Variants in GABRA3 observed in about 807,000 individuals in gnomAD.
The protein encoded by GABRA3 is gamma-aminobutyric acid receptor subunit alpha-3.
GABRA3 carries 10 observed loss-of-function variants against 30.1 expected under a neutral mutation model. That is an observed-to-expected ratio of 0.33 (90% confidence interval 0.20 to 0.56). The LOEUF is 0.56. Ranked by LOEUF, GABRA3 falls within the 20% of genes least tolerant of loss-of-function variation. The probability of loss-of-function intolerance (pLI) is 0.89; values close to 1 mark genes in which losing one functional copy is unlikely to be tolerated. For missense variants in GABRA3, 233 were observed against 392.0 expected (o/e 0.59, Z 3.42); for synonymous variants, 151 against 146.8 (o/e 1.03, Z -0.21).
chrX:152,245,165 C>T (rs746941715), intron 5 of GABRA3, among the ~76,000 whole-genome samples: 63 of 110,049 alleles, frequency 5.7e-4, no homozygotes, highest in South Asian at 1.2e-3. Context: ...TGAGCCATAC[C>T]GAAAGCAATC....
chrX:152,266,878 G>T (rs1457301125), intron 4 of GABRA3, among the ~76,000 whole-genome samples: 1 of 111,770 alleles, frequency 8.9e-6, no homozygotes, highest in Non-Finnish European at 1.9e-5. Flanking sequence ...ACTCTGCATA[G>T]CGTATAGCAG....
intron 9 of GABRA3, chrX:152,187,465 C>T (rs1204001298): frequency 1.8e-5 from 2 of 111,855 alleles, no homozygotes; most frequent in African/African-American, 6.5e-5. Flanking sequence ...CTGACTACCA[C>T]ATAGTGGCAG....
chrX:152,297,777 G>C (rs1939556646), intron 3 of GABRA3, among the ~76,000 whole-genome samples: 1 of 112,460 alleles, frequency 8.9e-6, no homozygotes, highest in Non-Finnish European at 1.9e-5. Flanking sequence ...CAGCCTCATA[G>C]AAAGAAATGT....
intron 3 of GABRA3, among the ~76,000 whole-genome samples, chrX:152,307,348 C>T (rs1366950979): frequency 8.9e-6 from 1 of 111,963 alleles, no homozygotes; most frequent in Admixed American, 9.5e-5. Context: ...GTAGAATTTT[C>T]CTGTACCTAA....
chrX:152,240,192 G>C (rs1938329703), intron 5 of GABRA3, among the ~76,000 whole-genome samples: 1 of 104,531 alleles, frequency 9.6e-6, no homozygotes, highest in Non-Finnish European at 1.9e-5. Flanking sequence ...CAGGCCTGGT[G>C]GTGACAAAAT....
At chrX:152,202,122 A>G (rs769699269) in intron 7 of GABRA3, among the ~76,000 whole-genome samples, 1 of 111,894 alleles carries the variant, frequency 8.9e-6, no homozygotes, top group Non-Finnish European at 1.9e-5. Context: ...AATCTGGAGC[A>G]AAGAGCAGAC....
chrX:152,413,804 A>G (rs1930135664), intron 1 of GABRA3, among the ~76,000 whole-genome samples: 1 of 110,814 alleles, frequency 9.0e-6, no homozygotes, highest in Non-Finnish European at 1.9e-5. Context: ...TAAAGAAAAA[A>G]AAGGAAACAA....
chrX:152,388,585 A>G (rs1287383626), intron 1 of GABRA3, among the ~76,000 whole-genome samples: 1 of 112,317 alleles, frequency 8.9e-6, no homozygotes, highest in Admixed American at 9.5e-5. Context: ...TAAATTTGCA[A>G]TGGTAAATAA....
At chrX:152,366,934 A>G (rs1285479825) in intron 1 of GABRA3, among the ~76,000 whole-genome samples, 1 of 111,478 alleles carries the variant, frequency 9.0e-6, no homozygotes, top group African/African-American at 3.3e-5. Context: ...AAAATTTTTC[A>G]CTGTAGCAGA....
chrX:152,329,354 T>C (rs971817240), intron 3 of GABRA3, among the ~76,000 whole-genome samples: 1 of 111,578 alleles, frequency 9.0e-6, no homozygotes, highest in Non-Finnish European at 1.9e-5. Flanking sequence ...TACTTTAAAG[T>C]TCATATGGAA....
rs767628240 is a variant in GABRA3, at chrX:152,286,119, AAGTAT to A, written c.263-1389_263-1385del. Among the ~76,000 whole-genome samples, 517 of 86,398 alleles carry A rather than the reference AAGTAT, an allele frequency of 6.0e-3. 4 individuals carry two copies. Among genetic ancestry groups the A allele is most frequent in the Non-Finnish European group, 9.1e-3 (396 of 43,303 alleles). The allele number at this position is 86,398 out of a possible 115,157, so 75.0% of individuals were successfully genotyped here. On this transcript the variant is annotated intron_variant, in intron 3 of 9. Coordinates refer to ENST00000370314, the MANE Select transcript of GABRA3 (RefSeq NM_000808.4). ...AATAAGTTATATACTTATATACTATAAGTATAGTATAGTATATAAGTTATATACTT... is the reference window on the plus strand; with the variant it reads ...AATAAGTTATATACTTATATACTATAAGTATAGTATATAAGTTATATACTT...
rs372167246 is a variant in GABRA3 at position 152,345,761 on chromosome X, T to G, written c.141-59A>C. 3.9e-6 allele frequency: 4 copies of G among 1,031,641 alleles called. No individual in the cohort carries two copies. In the East Asian group the frequency reaches 9.4e-5, roughly 24 times the overall value. 85.0% of individuals were successfully genotyped at this position (1,031,641 alleles called of 1,213,427 possible). ...AGTTCTTAATAGGAAAAAAAATACA[T>G]GACTAGATATCGTAATTCAAGATTT... On this transcript the variant is annotated intron_variant, in intron 2 of 9. Transcript: ENST00000370314.
At chrX:152,417,059 A>T (rs1262304718) in intron 1 of GABRA3, among the ~76,000 whole-genome samples, 6 of 103,194 alleles carry the variant, frequency 5.8e-5, no homozygotes, top group East Asian at 6.3e-4. Context: ...TCTGCACAGC[A>T]AAAGAAACTA....
At chrX:152,171,123 T>C (rs769986168) in intron 9 of GABRA3, among the ~76,000 whole-genome samples, 1 of 111,443 alleles carries the variant, frequency 9.0e-6, no homozygotes, top group African/African-American at 3.3e-5. Flanking sequence ...CCAAAAATTA[T>C]AGGAAAGAAA....
intron 3 of GABRA3, among the ~76,000 whole-genome samples, chrX:152,325,129 A>C (rs1193984413): frequency 9.0e-6 from 1 of 111,157 alleles, no homozygotes; most frequent in Admixed American, 9.6e-5. Flanking sequence ...AGCATTTTTC[A>C]AGCTGATCTA....
At chrX:152,399,947 C>T (rs1001878126) in intron 1 of GABRA3, among the ~76,000 whole-genome samples, 9 of 110,832 alleles carry the variant, frequency 8.1e-5, no homozygotes, top group African/African-American at 3.0e-4. Context: ...AGACAAACAC[C>T]ACCTTCTGTA....
At chrX:152,377,343 G>A (rs1057436866) in intron 1 of GABRA3, among the ~76,000 whole-genome samples, 2 of 111,138 alleles carry the variant, frequency 1.8e-5, no homozygotes. Flanking sequence ...AGAAATAAAA[G>A]ATAAATGAAA....
At chrX:152,371,982 G>A (rs771888976) in intron 1 of GABRA3, among the ~76,000 whole-genome samples, 1 of 110,833 alleles carries the variant, frequency 9.0e-6, no homozygotes, top group East Asian at 2.8e-4. Flanking sequence ...TATTCAAACT[G>A]TCAGCTTATC....
intron 3 of GABRA3, among the ~76,000 whole-genome samples, chrX:152,322,599 T>A (rs1939982319): frequency 9.2e-6 from 1 of 108,925 alleles, no homozygotes; most frequent in Non-Finnish European, 1.9e-5. Flanking sequence ...AATGGCACGA[T>A]CTCGGCTCAT....
Sources: gnomAD v4.1 joint callset for allele counts (sites outside exome capture counted in the v4.1 genomes callset) on GRCh38, gnomAD v4.1.1 for gene constraint, MANE v1.5 for transcripts, NCBI Gene and HGNC (gene_info 2026-07-23, HGNC 2026-07-21) for gene names.